Variants in NTM observed in about 807,000 individuals in gnomAD.
The protein encoded by NTM is IgLON family member 2.
A neutral mutation model predicts 42.1 loss-of-function variants in NTM; 13 were observed. The ratio of observed to expected loss-of-function variants is 0.31; its 90% confidence interval spans 0.20 to 0.49. The LOEUF is 0.49. NTM is among the 20% of genes least tolerant of loss of function. The pLI is 0.99. For missense variants in NTM, 373 were observed against 452.8 expected, an observed-to-expected ratio of 0.82 and a Z score of 1.60; for synonymous variants, 187 against 179.2, an observed-to-expected ratio of 1.04 and a Z score of -0.35.
At chr11:131,571,002 G>A (rs933648046) in intron 1 of NTM, among the ~76,000 whole-genome samples, 3 of 152,238 alleles carry the variant, frequency 2.0e-5, no homozygotes, top group Non-Finnish European at 2.9e-5. Flanking sequence ...TGGCAGTGCA[G>A]AGTGGTAGTT....
chr11:131,617,384 C>T lies in NTM; in HGVS notation c.82+246496C>T, dbSNP rs141964714. On this transcript the variant is annotated intron_variant, in intron 1 of 8. Coordinates refer to ENST00000683400, the MANE Select transcript of NTM (RefSeq NM_001352005.2). ...CTTCATCTTAGTTTTGCTGAGTTCC[C>T]GATTCTACTGCGATTGTGATTCAGG... is the stretch of plus-strand genomic sequence containing the variant. 1.6e-3 allele frequency among the ~76,000 whole-genome samples: 246 copies of T among 152,244 alleles called. 2 individuals carry two copies. Among genetic ancestry groups the T allele is most frequent in the African/African-American group, 5.6e-3 (232 of 41,518 alleles).
chr11:131,664,145 G>A (rs2068579113), intron 1 of NTM, among the ~76,000 whole-genome samples: 1 of 152,210 alleles, frequency 6.6e-6, no homozygotes, highest in Admixed American at 6.5e-5. Context: ...GTGACAAAGA[G>A]CTGGGCCCAG....
chr11:131,871,272 T>C (rs2047752268), intron 1 of NTM, among the ~76,000 whole-genome samples: 1 of 152,252 alleles, frequency 6.6e-6, no homozygotes, highest in African/African-American at 2.4e-5. Context: ...CAGGTGGTGC[T>C]GGATACATTT....
chr11:131,951,643 G>A (rs892153185), intron 2 of NTM, among the ~76,000 whole-genome samples: 1 of 152,050 alleles, frequency 6.6e-6, no homozygotes, highest in African/African-American at 2.4e-5. Flanking sequence ...CCAATATGGT[G>A]AAACCCCGTT....
At chr11:131,745,830 A>G (rs930426892) in intron 1 of NTM, among the ~76,000 whole-genome samples, 2 of 152,212 alleles carry the variant, frequency 1.3e-5, no homozygotes, top group African/African-American at 4.8e-5. Flanking sequence ...GCTCTTAGGG[A>G]AGCTAACTCC....
At chr11:131,771,257 G>C (rs1296563489) in intron 1 of NTM, 1 of 152,154 alleles carries the variant, frequency 6.6e-6, no homozygotes, top group African/African-American at 2.4e-5. Context: ...AATGCAGTTT[G>C]GTTTTTATGC....
At chr11:132,061,825 G>T (rs1343397747) in intron 2 of NTM, among the ~76,000 whole-genome samples, 1 of 152,058 alleles carries the variant, frequency 6.6e-6, no homozygotes, top group African/African-American at 2.4e-5. Flanking sequence ...TTATTATTCT[G>T]TATGTCACCA....
intron 1 of NTM, among the ~76,000 whole-genome samples, chr11:131,754,361 G>T (rs1043270834): frequency 6.6e-6 from 1 of 152,094 alleles, no homozygotes; most frequent in Non-Finnish European, 1.5e-5. Flanking sequence ...GTGGTGGTGT[G>T]TGCCTGTAAT....
At chr11:131,796,662 G>T (rs1025231694) in intron 1 of NTM, among the ~76,000 whole-genome samples, 1 of 152,192 alleles carries the variant, frequency 6.6e-6, no homozygotes, top group Non-Finnish European at 1.5e-5. Flanking sequence ...GGGTGCATCT[G>T]GAGCTGAGAG....
At chr11:131,909,893 T>C (rs2054438652) in intron 1 of NTM, 1 of 152,100 alleles carries the variant, frequency 6.6e-6, no homozygotes, top group Admixed American at 6.5e-5. Flanking sequence ...GAGTCTGCTG[T>C]ATAAATACAG....
chr11:131,655,979 G>T (rs1440012533), intron 1 of NTM, among the ~76,000 whole-genome samples: 1 of 152,216 alleles, frequency 6.6e-6, no homozygotes, highest in Non-Finnish European at 1.5e-5. Context: ...CCTCAGCCTG[G>T]GAAGGAATGG....
intron 2 of NTM, among the ~76,000 whole-genome samples, chr11:132,086,697 A>T (rs1050189930): frequency 6.6e-6 from 1 of 152,220 alleles, no homozygotes; most frequent in African/African-American, 2.4e-5. Flanking sequence ...TTTACAGTAA[A>T]TATAAACAGT....
intron 1 of NTM, among the ~76,000 whole-genome samples, chr11:131,471,158 T>G (rs1952403149): frequency 6.6e-6 from 1 of 152,160 alleles, no homozygotes; most frequent in Non-Finnish European, 1.5e-5. Context: ...TCTTACTAAC[T>G]CAGACTGGGG....
intron 7 of NTM, among the ~76,000 whole-genome samples, chr11:132,323,217 T>A (rs1164315307): frequency 3.3e-5 from 5 of 150,396 alleles, no homozygotes. Context: ...CAAAAAACCC[T>A]TCAAAAAATT....
At chr11:131,626,612 C>T (rs1182565130) in intron 1 of NTM, among the ~76,000 whole-genome samples, 2 of 152,142 alleles carry the variant, frequency 1.3e-5, no homozygotes, top group African/African-American at 2.4e-5. Context: ...CAAACCAGGA[C>T]GTGATGGGCA....
chr11:131,390,193 G>A (rs1943826089), intron 1 of NTM, among the ~76,000 whole-genome samples: 1 of 152,166 alleles, frequency 6.6e-6, no homozygotes, highest in African/African-American at 2.4e-5. Flanking sequence ...ATGTCACATG[G>A]TAAAAGAGGG....
chr11:131,723,654 A>G lies in NTM; in HGVS notation c.83-187910A>G, dbSNP rs554185091. Reference sequence around the variant, plus strand: ...TCAGTGAAGCAGATAAACTTGGGCCATCATCTCCCAAGCATCTAAGAAAAC... The same window carrying G: ...TCAGTGAAGCAGATAAACTTGGGCCGTCATCTCCCAAGCATCTAAGAAAAC... On this transcript the variant is annotated intron_variant, in intron 1 of 8. Coordinates refer to ENST00000683400, the MANE Select transcript of NTM (RefSeq NM_001352005.2). 7.2e-5 allele frequency among the ~76,000 whole-genome samples: 11 copies of G among 152,328 alleles called. No homozygotes were observed. The South Asian group carries it at 2.1e-3, about 29-fold the overall frequency.
intron 1 of NTM, among the ~76,000 whole-genome samples, chr11:131,744,513 C>G (rs1228980375): frequency 6.6e-6 from 1 of 152,094 alleles, no homozygotes; most frequent in Non-Finnish European, 1.5e-5. Context: ...TTAAAAATTG[C>G]TGGCAATTCC....
intron 2 of NTM, among the ~76,000 whole-genome samples, chr11:131,952,238 T>TG (rs2061083042): frequency 6.6e-6 from 1 of 152,186 alleles, no homozygotes; most frequent in African/African-American, 2.4e-5. Context: ...ACCCTTAATC[T>TG]GAACATAATT....
Sources: allele counts gnomAD v4.1 joint callset (sites outside exome capture counted in the v4.1 genomes callset), GRCh38; gene constraint gnomAD v4.1.1; transcripts MANE v1.5; gene names NCBI Gene and HGNC (gene_info 2026-07-23, HGNC 2026-07-21).